Variants in ATAD2B observed in about 807,000 individuals in gnomAD.
ATAD2B encodes the protein ATPase family AAA domain containing 2B.
In ATAD2B, 40 loss-of-function variants were observed where a neutral mutation model predicts 167.6. The observed-to-expected ratio is 0.24, with a 90% CI of 0.19 to 0.31. The LOEUF (loss-of-function observed/expected upper bound fraction) is 0.31. ATAD2B is among the 10% of genes least tolerant of loss of function. The pLI is 1.00. For synonymous variants in ATAD2B, 579 were observed against 596.5 expected (o/e 0.97, Z 0.43); for missense variants, 1,242 against 1,757.2 (o/e 0.71, Z 5.24).
At chr2:23,781,128 C>A (rs892719988) in intron 22 of ATAD2B, among the ~76,000 whole-genome samples, 1 of 151,968 alleles carries the variant, frequency 6.6e-6, no homozygotes, top group African/African-American at 2.4e-5. Context: ...AACAATTTCA[C>A]AGAAAGTGGC....
intron 1 of ATAD2B, among the ~76,000 whole-genome samples, chr2:23,902,808 G>A (rs1700992370): frequency 6.6e-6 from 1 of 152,168 alleles, no homozygotes; most frequent in Non-Finnish European, 1.5e-5. Flanking sequence ...GCTCACACCT[G>A]TAATCCCAAC....
At chr2:23,718,010 CAAAG>C in the ATAD2B span, among the ~76,000 whole-genome samples, 2 of 152,152 alleles carry the variant, frequency 1.3e-5, no homozygotes, top group Non-Finnish European at 2.9e-5. Context: ...TTTTAAGTAA[CAAAG>C]AAATGAAGAA....
chr2:23,744,972 A>T (rs113326964), downstream of ATAD2B, among the ~76,000 whole-genome samples: 784 of 152,274 alleles, frequency 5.1e-3, 9 homozygotes, highest in African/African-American at 0.016. Context: ...GTATTCTACT[A>T]TTTAAAAATG....
the ATAD2B span, among the ~76,000 whole-genome samples, chr2:23,710,093 T>C: frequency 1.3e-5 from 2 of 151,996 alleles, no homozygotes; most frequent in African/African-American, 4.8e-5. Context: ...AAACAGAAAA[T>C]GGTTCACATT....
intron 6 of ATAD2B, 55 bp downstream of exon 6, chr2:23,884,710 A>T: frequency 9.8e-7 from 1 of 1,020,442 alleles, no homozygotes; most frequent in Non-Finnish European, 1.4e-6. Flanking sequence ...TGTATATTTT[A>T]TTTTTCTTCC....
At chr2:23,743,541 C>T in the ATAD2B span, among the ~76,000 whole-genome samples, 2 of 134,516 alleles carry the variant, frequency 1.5e-5, no homozygotes, top group African/African-American at 5.6e-5. Flanking sequence ...CCAGCCTGGG[C>T]AACAGAGCGA....
At chr2:23,881,168 A>ATAGG (rs2150211357) in intron 6 of ATAD2B, among the ~76,000 whole-genome samples, 1 of 152,298 alleles carries the variant, frequency 6.6e-6, no homozygotes, top group Non-Finnish European at 1.5e-5. Context: ...AAATATGCTT[A>ATAGG]TAGGTAATTA....
intron 25 of ATAD2B, 74 bp from the exon 26 acceptor site, chr2:23,754,848 C>A (rs1174592963): frequency 1.1e-5 from 16 of 1,424,556 alleles, no homozygotes; most frequent in South Asian, 2.7e-5. Flanking sequence ...GTTATAAATT[C>A]TTTTACCTAC....
intron 1 of ATAD2B, among the ~76,000 whole-genome samples, chr2:23,906,289 C>T (rs1377284105): frequency 6.6e-6 from 1 of 151,632 alleles, no homozygotes; most frequent in African/African-American, 2.4e-5. Context: ...TGCAGTGAGC[C>T]GAGGTGGCAC....
chr2:23,691,912 A>C, the ATAD2B span: 1 of 1,536,952 alleles, frequency 6.5e-7, no homozygotes, highest in Non-Finnish European at 8.8e-7. Context: ...CTTGGGGGGA[A>C]GAGTGCAGAT....
intron 10 of ATAD2B, 96 bp from the exon 11 acceptor site, chr2:23,865,020 T>A (rs992376954): frequency 3.1e-6 from 2 of 645,316 alleles, no homozygotes; most frequent in Non-Finnish European, 5.1e-6. Context: ...CAGAAATACA[T>A]GCCTTTAGCA....
intron 22 of ATAD2B, among the ~76,000 whole-genome samples, chr2:23,772,131 ATT>A (rs111372185): frequency 2.7e-5 from 4 of 147,318 alleles, no homozygotes; most frequent in Non-Finnish European, 6.0e-5. Context: ...TATTTTGTTC[ATT>A]TTTTTTTTCA....
At chr2:23,737,434 C>A in the ATAD2B span, among the ~76,000 whole-genome samples, 1 of 152,204 alleles carries the variant, frequency 6.6e-6, no homozygotes, top group Non-Finnish European at 1.5e-5. Flanking sequence ...CCAAGGCAAA[C>A]AGAGTCTGGA....
At chr2:23,693,215 G>A in the ATAD2B span, 1 of 1,506,298 alleles carries the variant, frequency 6.6e-7, no homozygotes, top group East Asian at 2.5e-5. Flanking sequence ...ATGGGAACAG[G>A]TGGCAACTGC....
chr2:23,750,267 G>T lies in ATAD2B; in HGVS notation c.*1779C>A, dbSNP rs1270654826. 6.6e-6 allele frequency: 1 copy of T among 151,858 alleles called. No individual in the cohort carries two copies. Among genetic ancestry groups the T allele is most frequent in the Non-Finnish European group, 1.5e-5 (1 of 67,950 alleles). 9.4% of individuals were successfully genotyped at this position (151,858 alleles called of 1,614,324 possible). A position where few individuals can be genotyped will look rare whatever the true frequency, so the allele number is the denominator to read the frequency against. On this transcript the variant is annotated 3_prime_UTR_variant, in exon 28 of 28. Transcript: ENST00000238789. ...AGCATCTTGACTTGTATGACTAACT[G>T]GATATTACAGAAACTTCACAGACTA...
At chr2:23,731,711 T>A in the ATAD2B span, among the ~76,000 whole-genome samples, 2 of 152,200 alleles carry the variant, frequency 1.3e-5, no homozygotes, top group African/African-American at 4.8e-5. Context: ...AAGGGCAGGG[T>A]GCAGTGGTTC....
chr2:23,696,189 TC>T, the ATAD2B span: 1 of 1,518,208 alleles, frequency 6.6e-7, no homozygotes, highest in South Asian at 1.2e-5. This position sits in a 1 kb window ranked among gnomAD's most constrained non-coding sequence, Gnocchi z 5.5. Context: ...AGGGGACTGC[TC>T]CCCACGTCAG....
chr2:23,740,469 G>C, the ATAD2B span, among the ~76,000 whole-genome samples: 89 of 152,044 alleles, frequency 5.9e-4, no homozygotes, highest in East Asian at 3.5e-3. Flanking sequence ...TATCTCAATA[G>C]ATGCAGAAAA....
intron 1 of ATAD2B, among the ~76,000 whole-genome samples, chr2:23,903,052 T>A (rs143858540): frequency 6.6e-6 from 1 of 151,890 alleles, no homozygotes; most frequent in African/African-American, 2.4e-5. Flanking sequence ...CTGGGCAAAA[T>A]GGCAAGACCG....
Sources: allele counts gnomAD v4.1 joint callset (sites outside exome capture counted in the v4.1 genomes callset), GRCh38; gene constraint gnomAD v4.1.1; non-coding constraint Gnocchi (gnomAD v3.1); transcripts MANE v1.5; gene names NCBI Gene and HGNC (gene_info 2026-07-23, HGNC 2026-07-21).